The following SLC38A6 variants were observed in gnomAD, a reference collection of about 807,000 sequenced individuals.
The protein encoded by SLC38A6 is solute carrier family 38 member 6, also known as N system amino acid transporter NAT-1.
Under a neutral mutation model 65.0 loss-of-function variants are expected in SLC38A6, and 73 were observed. The ratio of observed to expected loss-of-function variants is 1.12; its 90% CI spans 0.93 to 1.37. The LOEUF (loss-of-function observed/expected upper bound fraction) is 1.37, where lower values mean the gene tolerates loss of function less well. SLC38A6 is among the 40% of genes most tolerant of loss of function. The pLI is 0.00. For missense variants in SLC38A6, 561 were observed against 531.1 expected (o/e 1.06, Z -0.55); for synonymous variants, 183 against 178.8 (o/e 1.02, Z -0.19).
intron 6 of SLC38A6, among the ~76,000 whole-genome samples, chr14:61,034,547 A>G (rs1039192912): frequency 2.0e-5 from 3 of 152,226 alleles, no homozygotes; most frequent in Non-Finnish European, 2.9e-5. Flanking sequence ...TGGGTCCCAG[A>G]AGGAAACACA....
Position 61,025,292 on chromosome 14 carries a change from T to C in SLC38A6, c.404-5153T>C, listed in dbSNP as rs75492152. ...TAGAAACTACTTGGATTTGCTTTCT[T>C]CCTGTATATTCATTCATGCATTTTA... On this transcript the variant is annotated intron_variant, in intron 5 of 15. Coordinates refer to ENST00000267488, the MANE Select transcript of SLC38A6 (RefSeq NM_153811.3). Among the ~76,000 whole-genome samples the C allele has an allele frequency of 3.7e-3, 567 of 152,360 alleles. 3 individuals are homozygous for C. Among genetic ancestry groups the C allele is most frequent in the Non-Finnish European group, 6.1e-3 (415 of 68,034 alleles).
At chr14:61,044,409 G>GAC (rs2042006411) in intron 10 of SLC38A6, among the ~76,000 whole-genome samples, 1 of 152,140 alleles carries the variant, frequency 6.6e-6, no homozygotes, top group African/African-American at 2.4e-5. Context: ...TAGGATAATT[G>GAC]ACAAGCCAGG....
At chr14:61,015,565 A>G (rs118024321) in intron 3 of SLC38A6, among the ~76,000 whole-genome samples, 1,817 of 152,338 alleles carry the variant, frequency 0.012, 18 homozygotes, top group Middle Eastern at 0.048. Context: ...GATTTTCTTA[A>G]AAAGTAAAAA....
chr14:60,993,944 G>T (rs1202196380), intron 3 of SLC38A6, among the ~76,000 whole-genome samples: 1 of 152,146 alleles, frequency 6.6e-6, no homozygotes, highest in African/African-American at 2.4e-5. Flanking sequence ...CCAAATACTG[G>T]CGAGGATGTG....
chr14:61,044,506 C>T (rs567291942), intron 10 of SLC38A6, among the ~76,000 whole-genome samples: 19 of 152,176 alleles, frequency 1.2e-4, no homozygotes, highest in Non-Finnish European at 1.6e-4. Context: ...AGCTTCCTCT[C>T]TCCTAACCCC....
In SLC38A6 at chr14:61,050,595, C is replaced by G. The variant is rs187227863; in HGVS notation, c.1009C>G (p.Leu337Val). The G allele has an allele frequency of 1.9e-6, 3 of 1,598,114 alleles. No individual in the cohort carries two copies. In the East Asian group the frequency reaches 6.7e-5, roughly 36 times the overall value. ...TGTCATGACTGTGAAGTTATGCATA[C>G]TATTTGCTGTGCTTTTGACAGTCCC... ...VVVMTVKLCI[L>V]FAVLLTVPLI... Residue 337 changes from leucine (L) to valine (V), a missense_variant, in exon 13 of 16, where the codon CTA becomes GTA. Coordinates refer to ENST00000267488, the MANE Select transcript of SLC38A6 (RefSeq NM_153811.3).
intron 3 of SLC38A6, among the ~76,000 whole-genome samples, chr14:61,015,234 C>G (rs374806064): frequency 3.9e-5 from 6 of 152,192 alleles, no homozygotes; most frequent in African/African-American, 1.4e-4. Context: ...ATTGGAAAAG[C>G]GCAGTATTAG....
intron 13 of SLC38A6, 29 bp from the exon 14 acceptor site, chr14:61,051,758 C>T (rs757183210): frequency 1.7e-5 from 27 of 1,605,382 alleles, no homozygotes; most frequent in Admixed American, 1.2e-4. Flanking sequence ...ATTTCCTCTT[C>T]GCTATATGTT....
At position 61,014,697 on chromosome 14, in the gene SLC38A6, C is replaced by T. The variant is rs772364079; in HGVS notation, c.311-1207C>T. Among the ~76,000 whole-genome samples the T allele has an allele frequency of 7.8e-4, 119 of 152,254 alleles. 1 individual carries two copies. Among genetic ancestry groups the T allele is most frequent in the Non-Finnish European group, 1.6e-3 (106 of 68,014 alleles). Reference sequence around the variant, plus strand: ...ATCAGCAGCAGAGGCTGCAGAACAGCGGATATTGGTGAACAGCAAATGTTG... The same window carrying T: ...ATCAGCAGCAGAGGCTGCAGAACAGTGGATATTGGTGAACAGCAAATGTTG... On this transcript the variant is annotated intron_variant, in intron 3 of 15. Transcript: ENST00000267488.
intron 3 of SLC38A6, among the ~76,000 whole-genome samples, chr14:60,996,918 T>G (rs2038335986): frequency 6.6e-6 from 1 of 152,230 alleles, no homozygotes; most frequent in Non-Finnish European, 1.5e-5. Context: ...GTGTGAAGTT[T>G]GAACAATGAC....
At chr14:61,047,955 TTAGATAGA>T (rs200441090) in intron 12 of SLC38A6, among the ~76,000 whole-genome samples, 72 of 149,900 alleles carry the variant, frequency 4.8e-4, no homozygotes, top group South Asian at 1.1e-3. Flanking sequence ...AGATGATAGA[TTAGATAGA>T]TAGATAGATA....
chr14:61,072,524 A>G (rs552048648), intron 15 of SLC38A6, among the ~76,000 whole-genome samples: 1 of 152,138 alleles, frequency 6.6e-6, no homozygotes, highest in African/African-American at 2.4e-5. Flanking sequence ...TGCCCCTACT[A>G]CCCCACAACC....
At chr14:61,008,825 A>G (rs1003665362) in intron 3 of SLC38A6, among the ~76,000 whole-genome samples, 2 of 152,194 alleles carry the variant, frequency 1.3e-5, no homozygotes, top group African/African-American at 2.4e-5. Flanking sequence ...GGAGAAGTGA[A>G]TATCTCTGAA....
At chr14:61,038,859 C>G (rs2041586116) in intron 8 of SLC38A6, among the ~76,000 whole-genome samples, 5 of 152,080 alleles carry the variant, frequency 3.3e-5, no homozygotes, top group Admixed American at 2.6e-4. Flanking sequence ...AGTTGTCTGA[C>G]TTATATCTTA....
chr14:61,068,648 G>A (rs977285315), intron 15 of SLC38A6, among the ~76,000 whole-genome samples: 5 of 152,162 alleles, frequency 3.3e-5, no homozygotes, highest in Non-Finnish European at 5.9e-5. Flanking sequence ...GGTCATGACC[G>A]TCTTATGGCC....
rs149107397 is a variant in SLC38A6, at chr14:61,023,505, G to A, written c.403+3925G>A. On this transcript the variant is annotated intron_variant, in intron 5 of 15. Transcript: ENST00000267488. ...GGAAAATCGTTTAAACCCGGTAGAC[G>A]GAGGTTGCAGTAAGCCAAGATCTCG... Among the ~76,000 whole-genome samples the A allele has an allele frequency of 1.9e-3, 292 of 151,190 alleles. 1 individual carries two copies. The highest frequency in any genetic ancestry group is 6.6e-3 in the African/African-American group (273 of 41,222).
chr14:61,016,479 T>G (rs570805781), intron 4 of SLC38A6, among the ~76,000 whole-genome samples: 2 of 152,308 alleles, frequency 1.3e-5, no homozygotes, highest in South Asian at 4.1e-4. Context: ...AACTATTATA[T>G]AAAGCCAGTA....
At chr14:60,983,982 A>G (rs2037270929) in intron 2 of SLC38A6, among the ~76,000 whole-genome samples, 1 of 152,244 alleles carries the variant, frequency 6.6e-6, no homozygotes. Context: ...ATTAACAAGT[A>G]TTAACTGGAC....
In SLC38A6 at chr14:61,081,927, T is replaced by C. The variant is rs148691638; in HGVS notation, c.1409-1628T>C. The stretch of plus-strand genomic sequence containing the variant: ...TGGGGTAGGCTGTGTAGTACTACAT[T>C]TTCTGTGGAACGTGGTATCGGTAAC... On this transcript the variant is annotated intron_variant, in intron 16 of 16. Transcript: ENST00000354886. Among the ~76,000 whole-genome samples, 835 of 152,182 alleles carry C rather than the reference T, an allele frequency of 5.5e-3. 14 individuals are homozygous for C. Among genetic ancestry groups the C allele is most frequent in the African/African-American group, 0.018 (758 of 41,524 alleles).
Sources: gnomAD v4.1 joint callset for allele counts (sites outside exome capture counted in the v4.1 genomes callset) on GRCh38, gnomAD v4.1.1 for gene constraint, MANE v1.5 for transcripts, NCBI Gene and HGNC (gene_info 2026-07-23, HGNC 2026-07-21) for gene names.